The following PDK1 variants were observed in gnomAD, a reference collection of about 807,000 sequenced individuals.
The protein encoded by PDK1 is [Pyruvate dehydrogenase (acetyl-transferring)] kinase isozyme 1, mitochondrial.
PDK1 carries 39 observed loss-of-function variants against 54.2 expected under a neutral mutation model. The ratio of observed to expected loss-of-function variants is 0.72; its 90% CI spans 0.56 to 0.94. The LOEUF is 0.94. Among genes scored for constraint, PDK1 ranks in the 40% least tolerant of loss-of-function variants. The pLI is 0.00. For synonymous variants in PDK1, 221 were observed against 207.1 expected (o/e 1.07, Z -0.58); for missense variants, 552 against 566.0 (o/e 0.98, Z 0.25).
chr2:172,594,976 A>G (rs927428248), intron 10 of PDK1, among the ~76,000 whole-genome samples: 1 of 152,214 alleles, frequency 6.6e-6, no homozygotes, highest in Non-Finnish European at 1.5e-5. Flanking sequence ...GAGAAGACAC[A>G]GATTCAAACC....
chr2:172,658,572 CA>C, the PDK1 span, among the ~76,000 whole-genome samples: 1 of 152,134 alleles, frequency 6.6e-6, no homozygotes, highest in African/African-American at 2.4e-5. Flanking sequence ...CAAAAAGAGC[CA>C]TATTTTTCTT....
chr2:172,571,124 C>T (rs1281844498), intron 8 of PDK1, among the ~76,000 whole-genome samples: 1 of 151,954 alleles, frequency 6.6e-6, no homozygotes, highest in Non-Finnish European at 1.5e-5. Flanking sequence ...TGGGTAGTTG[C>T]AGTATTATGG....
chr2:172,566,777 C>A, intron 5 of PDK1, 79 bp from the exon 6 acceptor site: 1 of 805,648 alleles, frequency 1.2e-6, no homozygotes, highest in Non-Finnish European at 2.0e-6. Flanking sequence ...TTTGATTTGT[C>A]AATACCATTG....
chr2:172,616,391 A>G, the PDK1 span, among the ~76,000 whole-genome samples: 1 of 152,258 alleles, frequency 6.6e-6, no homozygotes, highest in Admixed American at 6.5e-5. Flanking sequence ...ATAGCTACAC[A>G]CATGGATGAA....
chr2:172,704,423 C>A, the PDK1 span, among the ~76,000 whole-genome samples: 7 of 152,120 alleles, frequency 4.6e-5, no homozygotes, highest in Admixed American at 4.6e-4. Context: ...TTTCTCATTT[C>A]TTCTCAGAAT....
At chr2:172,568,327 C>CAAAAAAAAAA (rs11400625) in intron 6 of PDK1, among the ~76,000 whole-genome samples, 10 of 57,090 alleles carry the variant, frequency 1.8e-4, no homozygotes, top group African/African-American at 2.6e-4. Context: ...GACTCCGTCT[C>CAAAAAAAAAA]AAAAAAAAAA....
the PDK1 span, chr2:172,677,527 C>G: frequency 6.6e-6 from 1 of 152,132 alleles, no homozygotes; most frequent in Non-Finnish European, 1.5e-5. Context: ...TTCAACAAGT[C>G]CAGACAGCAA....
intron 1 of PDK1, 193 bp downstream of exon 1, chr2:172,556,539 A>T: frequency 2.2e-6 from 1 of 447,406 alleles, no homozygotes; most frequent in East Asian, 3.6e-5. Flanking sequence ...CGGCGTAAAT[A>T]ACGGTGGGCG....
chr2:172,599,376 G>T lies in PDK1; in HGVS notation c.*3407G>T, dbSNP rs542507270. On this transcript the variant is annotated 3_prime_UTR_variant, in exon 11 of 11. Coordinates refer to ENST00000282077, the MANE Select transcript of PDK1 (RefSeq NM_002610.5). ...CTGTTAGTTTTAAGGTCCCACTGTTGCTCTGTGAATGACTAATCAGAGGAA... is the reference window on the plus strand; with the variant it reads ...CTGTTAGTTTTAAGGTCCCACTGTTTCTCTGTGAATGACTAATCAGAGGAA... 30 of 152,250 alleles carry T rather than the reference G, an allele frequency of 2.0e-4. No individual in the cohort carries two copies. The highest frequency in any genetic ancestry group is 6.0e-4 in the African/African-American group (25 of 41,552). 9.4% of individuals were successfully genotyped at this position (152,250 alleles called of 1,614,324 possible).
the PDK1 span, among the ~76,000 whole-genome samples, chr2:172,683,823 G>T: frequency 3.3e-5 from 5 of 152,186 alleles, no homozygotes; most frequent in Non-Finnish European, 5.9e-5. Flanking sequence ...GAGAAAGAAT[G>T]AAAACCAAGC....
the PDK1 span, among the ~76,000 whole-genome samples, chr2:172,618,015 C>T: frequency 4.6e-5 from 7 of 152,086 alleles, no homozygotes; most frequent in African/African-American, 1.4e-4. Context: ...TATAGTTTTC[C>T]ATTGTAATAG....
chr2:172,690,878 G>A, the PDK1 span, among the ~76,000 whole-genome samples: 5 of 149,744 alleles, frequency 3.3e-5, no homozygotes, highest in Non-Finnish European at 7.4e-5. Flanking sequence ...GGGAGGGATA[G>A]GAGAAATCCT....
the PDK1 span, among the ~76,000 whole-genome samples, chr2:172,620,019 G>A: frequency 6.6e-6 from 1 of 152,062 alleles, no homozygotes; most frequent in Non-Finnish European, 1.5e-5. Flanking sequence ...ACAAAAATTA[G>A]CCAGGCGGTA....
chr2:172,573,093 G>T (rs1291998065), intron 8 of PDK1, among the ~76,000 whole-genome samples: 2 of 152,106 alleles, frequency 1.3e-5, no homozygotes, highest in Non-Finnish European at 2.9e-5. Flanking sequence ...ATGTGTTTCA[G>T]TTATCTTATG....
At chr2:172,651,425 A>C in the PDK1 span, among the ~76,000 whole-genome samples, 1 of 152,238 alleles carries the variant, frequency 6.6e-6, no homozygotes, top group Non-Finnish European at 1.5e-5. Context: ...CTAGAGAAGC[A>C]AGAGCAAACA....
At chr2:172,716,720 T>C in the PDK1 span, among the ~76,000 whole-genome samples, 1 of 152,246 alleles carries the variant, frequency 6.6e-6, no homozygotes, top group Non-Finnish European at 1.5e-5. Flanking sequence ...TTTTTCAGAT[T>C]TACTTCTACC....
At chr2:172,573,793 GTTTTTTGC>G (rs1689427651) in intron 8 of PDK1, among the ~76,000 whole-genome samples, 3 of 151,428 alleles carry the variant, frequency 2.0e-5, no homozygotes, top group African/African-American at 7.3e-5. Flanking sequence ...GTGTTTTTTT[GTTTTTTGC>G]TTTTTTAAAT....
chr2:172,663,644 C>T, the PDK1 span, among the ~76,000 whole-genome samples: 1 of 152,116 alleles, frequency 6.6e-6, no homozygotes, highest in African/African-American at 2.4e-5. Context: ...TGAGGTGGAG[C>T]CTTGGAAGTT....
intron 9 of PDK1, among the ~76,000 whole-genome samples, chr2:172,590,702 G>C (rs1400083244): frequency 6.6e-5 from 10 of 152,088 alleles, no homozygotes; most frequent in African/African-American, 2.2e-4. Context: ...GGACCCGAGC[G>C]GGTTGCCACT....
Sources: gnomAD v4.1 joint callset for allele counts (sites outside exome capture counted in the v4.1 genomes callset) on GRCh38, gnomAD v4.1.1 for gene constraint, MANE v1.5 for transcripts, NCBI Gene and HGNC (gene_info 2026-07-23, HGNC 2026-07-21) for gene names.